The following TLN2 variants were observed in gnomAD, a reference collection of about 807,000 sequenced individuals.
The protein encoded by TLN2 is talin 2.
In TLN2, 118 loss-of-function variants were observed where a neutral mutation model predicts 294.7. The ratio of observed to expected loss-of-function variants is 0.40; its 90% CI spans 0.34 to 0.47. TLN2 has a LOEUF of 0.47. Among genes scored for constraint, TLN2 ranks in the 20% least tolerant of loss-of-function variants. TLN2 has a pLI of 0.84. For synonymous variants in TLN2, 1,431 were observed against 1,304.5 expected, an observed-to-expected ratio of 1.10 and a Z score of -2.09; for missense variants, 3,083 against 3,282.2, an observed-to-expected ratio of 0.94 and a Z score of 1.48.
chr15:62,497,753 A>G (rs2039082679), intron 1 of TLN2, among the ~76,000 whole-genome samples: 1 of 152,140 alleles, frequency 6.6e-6, no homozygotes, highest in South Asian at 2.1e-4. Context: ...ATTTGAGAAG[A>G]TACATTTATA....
intron 1 of TLN2, among the ~76,000 whole-genome samples, chr15:62,560,509 T>C (rs1387078580): frequency 6.6e-6 from 1 of 152,182 alleles, no homozygotes; most frequent in East Asian, 1.9e-4. Flanking sequence ...GTATTTTTAG[T>C]AGAGACAGGG....
chr15:62,533,648 A>G (rs1256887405), intron 1 of TLN2, among the ~76,000 whole-genome samples: 1 of 152,086 alleles, frequency 6.6e-6, no homozygotes, highest in Non-Finnish European at 1.5e-5. Context: ...AAGAAGTGAA[A>G]TTTACCCCCC....
In TLN2 at chr15:62,633,646, C is replaced by T. The variant is rs139172388; in HGVS notation, c.-36-13629C>T. On this transcript the variant is annotated intron_variant, in intron 3 of 58. Transcript: ENST00000636159. Reference sequence around the variant, plus strand: ...ACGTTTATAATTATTCTACTGATTACCACTTACATTTAACTGTACTATTTG... The same window carrying T: ...ACGTTTATAATTATTCTACTGATTATCACTTACATTTAACTGTACTATTTG... Among the ~76,000 whole-genome samples the T allele has an allele frequency of 1.6e-3, 241 of 152,302 alleles. 1 individual carries two copies. The highest frequency in any genetic ancestry group is 5.4e-3 in the African/African-American group (226 of 41,570).
At chr15:62,567,737 G>A (rs111840516) in intron 1 of TLN2, among the ~76,000 whole-genome samples, 9 of 152,262 alleles carry the variant, frequency 5.9e-5, no homozygotes, top group African/African-American at 2.2e-4. Flanking sequence ...TGGGGGTGGG[G>A]TTGAGGAAGG....
intron 3 of TLN2, among the ~76,000 whole-genome samples, chr15:62,641,188 T>A (rs1389047240): frequency 6.6e-6 from 1 of 152,136 alleles, no homozygotes; most frequent in Non-Finnish European, 1.5e-5. Context: ...TGCCCCCTAA[T>A]GCCTGTTAGG....
chr15:62,812,572 G>C (rs1311134494), intron 52 of TLN2, among the ~76,000 whole-genome samples: 1 of 152,218 alleles, frequency 6.6e-6, no homozygotes, highest in Non-Finnish European at 1.5e-5. Context: ...GCAGGTGCCA[G>C]CATTTGTCTT....
At chr15:62,515,798 T>C (rs530286953) in intron 1 of TLN2, among the ~76,000 whole-genome samples, 2 of 152,240 alleles carry the variant, frequency 1.3e-5, no homozygotes, top group Admixed American at 1.3e-4. Flanking sequence ...AGTGGACAGG[T>C]CGTAAAGTAT....
intron 3 of TLN2, among the ~76,000 whole-genome samples, chr15:62,646,623 C>T (rs1359681877): frequency 1.3e-5 from 2 of 152,216 alleles, no homozygotes; most frequent in African/African-American, 4.8e-5. Context: ...TCTCTGGCCT[C>T]ATGTTGATCT....
intron 1 of TLN2, among the ~76,000 whole-genome samples, chr15:62,495,558 CA>C (rs2038971886): frequency 6.6e-6 from 1 of 152,166 alleles, no homozygotes; most frequent in Non-Finnish European, 1.5e-5. Context: ...CTTTTAATGA[CA>C]GGGGTAGAAA....
At chr15:62,716,207 T>G in intron 22 of TLN2, 124 bp from the exon 23 acceptor site, 2 of 1,177,248 alleles carry the variant, frequency 1.7e-6, no homozygotes, top group Non-Finnish European at 2.2e-6. Context: ...CATAAAGATA[T>G]TGCTTGTGGC....
At chr15:62,552,829 G>T (rs2042398715) in intron 1 of TLN2, among the ~76,000 whole-genome samples, 1 of 152,224 alleles carries the variant, frequency 6.6e-6, no homozygotes, top group Non-Finnish European at 1.5e-5. Context: ...TCAGAGGCTT[G>T]TAGGAACATA....
Position 62,719,811 on chromosome 15 carries a change from G to T in TLN2, c.2922G>T (p.Gly974=), listed in dbSNP as rs769522628. ...CTCAGCTGGTCCAGGGAGTGAGGGG[G>T]AGCCAAGCTCAAGCTGAAGACCTGA... ...HIPQLVQGVR[G]SQAQAEDLSA... Residue 974 remains glycine (G), a synonymous_variant, in exon 25 of 59, where the codon GGG becomes GGT. Transcript: ENST00000636159. 3 of 1,612,048 alleles carry T rather than the reference G, an allele frequency of 1.9e-6. No homozygotes were observed. The South Asian group carries it at 3.3e-5, about 18-fold the overall frequency.
At chr15:62,481,776 T>G (rs1179974347) in intron 1 of TLN2, among the ~76,000 whole-genome samples, 5 of 150,742 alleles carry the variant, frequency 3.3e-5, no homozygotes, top group Admixed American at 6.7e-5. Context: ...AGACTACATA[T>G]TATTTTTCTT....
chr15:62,716,755 ATATT>A (rs1257955365), intron 23 of TLN2, among the ~76,000 whole-genome samples: 1 of 152,150 alleles, frequency 6.6e-6, no homozygotes, highest in East Asian at 1.9e-4. Context: ...TTTGCTGAAA[ATATT>A]TATATTTTGT....
intron 13 of TLN2, among the ~76,000 whole-genome samples, chr15:62,693,653 T>C (rs962063821): frequency 3.9e-5 from 6 of 152,030 alleles, no homozygotes; most frequent in South Asian, 4.1e-4. Flanking sequence ...TAGTGGTATA[T>C]AGAAAAACAG....
intron 11 of TLN2, 106 bp downstream of exon 11, chr15:62,675,427 T>C (rs2056069329): frequency 8.7e-7 from 1 of 1,144,800 alleles, no homozygotes; most frequent in African/African-American, 1.5e-5. Flanking sequence ...CCCCTAGCAT[T>C]TGCGGGTGGA....
intron 41 of TLN2, among the ~76,000 whole-genome samples, chr15:62,769,223 G>A (rs2082992963): frequency 6.6e-6 from 1 of 152,230 alleles, no homozygotes; most frequent in Non-Finnish European, 1.5e-5. Context: ...AGGACATAAA[G>A]GACCACCCTA....
intron 14 of TLN2, among the ~76,000 whole-genome samples, chr15:62,694,961 G>T (rs1236590192): frequency 6.6e-6 from 1 of 152,048 alleles, no homozygotes; most frequent in Non-Finnish European, 1.5e-5. Flanking sequence ...TATAAAATGG[G>T]GATAATGATA....
chr15:62,698,489 C>T (rs769486200), intron 15 of TLN2, among the ~76,000 whole-genome samples: 2 of 152,210 alleles, frequency 1.3e-5, no homozygotes, highest in Non-Finnish European at 2.9e-5. Context: ...CTCTTCTGAG[C>T]CTTCTTGTCA....
Sources: allele counts gnomAD v4.1 joint callset (sites outside exome capture counted in the v4.1 genomes callset), GRCh38; gene constraint gnomAD v4.1.1; transcripts MANE v1.5; gene names NCBI Gene and HGNC (gene_info 2026-07-23, HGNC 2026-07-21).